The following RNFT2 variants were observed in gnomAD, a reference collection of about 807,000 sequenced individuals.
RNFT2 encodes E3 ubiquitin-protein ligase RNFT2.
RNFT2 carries 36 observed loss-of-function variants against 53.0 expected under a neutral mutation model. The ratio of observed to expected loss-of-function variants is 0.68; its 90% confidence interval spans 0.52 to 0.90. The LOEUF (loss-of-function observed/expected upper bound fraction) is 0.90. Among genes scored for constraint, RNFT2 ranks in the 40% least tolerant of loss-of-function variants. RNFT2 has a pLI of 0.00. For synonymous variants in RNFT2, 260 were observed against 253.2 expected (o/e 1.03, Z -0.26); for missense variants, 514 against 585.6 (o/e 0.88, Z 1.26).
chr12:116,771,346 G>A (rs1040431619), intron 6 of RNFT2, among the ~76,000 whole-genome samples: 16 of 150,962 alleles, frequency 1.1e-4, no homozygotes, highest in African/African-American at 3.7e-4. Flanking sequence ...TATAGTCCCC[G>A]CTACCCTGGA....
Position 116,850,622 on chromosome 12 carries a change from T to TTTTTC in RNFT2, c.*1178_*1179insCTTTT, listed in dbSNP as rs1280264639. On this transcript the variant is annotated 3_prime_UTR_variant, in exon 11 of 11. Transcript: ENST00000257575. ...TGAAGTATTTTTTCTTTTCTTTTCT[T>TTTTTC]TTTTTTTTTTTTTTTGTTGTTGTGA... 6.4e-4 allele frequency: 88 copies of TTTTTC among 137,034 alleles called. 6 individuals carry two copies. Among genetic ancestry groups the TTTTTC allele is most frequent in the Admixed American group, 1.9e-3 (27 of 13,922 alleles). 8.5% of individuals were successfully genotyped at this position (137,034 alleles called of 1,614,324 possible).
At chr12:116,742,888 G>C (rs933256587) in intron 3 of RNFT2, among the ~76,000 whole-genome samples, 3 of 151,768 alleles carry the variant, frequency 2.0e-5, no homozygotes, top group African/African-American at 4.8e-5. Flanking sequence ...TTTGAGATCA[G>C]CCTGGGCAAA....
At chr12:116,844,117 G>T (rs749884543) in intron 10 of RNFT2, among the ~76,000 whole-genome samples, 8 of 152,112 alleles carry the variant, frequency 5.3e-5, no homozygotes, top group Non-Finnish European at 1.0e-4. Flanking sequence ...TTTTCACTCT[G>T]GTTCTTTCAT....
At chr12:116,765,720 T>C (rs1177013016) in intron 5 of RNFT2, among the ~76,000 whole-genome samples, 1 of 152,182 alleles carries the variant, frequency 6.6e-6, no homozygotes, top group Non-Finnish European at 1.5e-5. Flanking sequence ...TCCTGGGGAC[T>C]AGACAGGAAT....
chr12:116,777,278 A>G (rs538956212), intron 6 of RNFT2, among the ~76,000 whole-genome samples: 1 of 152,284 alleles, frequency 6.6e-6, no homozygotes, highest in African/African-American at 2.4e-5. Context: ...ACATGAGTTA[A>G]GACATATAAA....
chr12:116,813,352 G>T (rs745883089), intron 7 of RNFT2, among the ~76,000 whole-genome samples: 1 of 152,194 alleles, frequency 6.6e-6, no homozygotes, highest in Non-Finnish European at 1.5e-5. Flanking sequence ...GCCTCTTAGG[G>T]CTGAATCATG....
At chr12:116,760,813 T>C (rs946490996) in intron 5 of RNFT2, among the ~76,000 whole-genome samples, 1 of 152,174 alleles carries the variant, frequency 6.6e-6, no homozygotes, top group African/African-American at 2.4e-5. Context: ...TGCCGCCCGC[T>C]GCTCTCTCTG....
chr12:116,827,468 A>G (rs528901807), intron 7 of RNFT2, among the ~76,000 whole-genome samples: 1 of 152,332 alleles, frequency 6.6e-6, no homozygotes, highest in East Asian at 1.9e-4. Context: ...AGCTGGTATT[A>G]GAGCCTTCTG....
intron 4 of RNFT2, among the ~76,000 whole-genome samples, chr12:116,750,890 TAATATATA>T (rs1872210094): frequency 4.0e-5 from 1 of 25,200 alleles, no homozygotes; most frequent in African/African-American, 2.6e-4. Flanking sequence ...ATTATATATA[TAATATATA>T]TATATATATA....
At chr12:116,791,216 A>T (rs747759865) in intron 7 of RNFT2, among the ~76,000 whole-genome samples, 1 of 152,226 alleles carries the variant, frequency 6.6e-6, no homozygotes, top group Non-Finnish European at 1.5e-5. Flanking sequence ...GTGTAAGTGG[A>T]ATAATACCCT....
At chr12:116,833,981 G>A in intron 8 of RNFT2, 40 bp downstream of exon 8, 3 of 1,541,638 alleles carry the variant, frequency 1.9e-6, no homozygotes, top group Non-Finnish European at 2.6e-6. Flanking sequence ...CCTAAGGAGG[G>A]CCCCATTCAC....
chr12:116,742,125 G>A (rs891024642), intron 3 of RNFT2, among the ~76,000 whole-genome samples: 3 of 152,108 alleles, frequency 2.0e-5, no homozygotes, highest in Non-Finnish European at 4.4e-5. Flanking sequence ...AATAGTCAGA[G>A]GGCAGAAAGG....
chr12:116,742,265 C>CTTTT (rs769733957), intron 3 of RNFT2, among the ~76,000 whole-genome samples: 3 of 112,216 alleles, frequency 2.7e-5, no homozygotes, highest in Admixed American at 9.3e-5. Flanking sequence ...GAGGTGGTTT[C>CTTTT]TTTTTTTTTT....
At chr12:116,798,507 G>A (rs553577309) in intron 7 of RNFT2, among the ~76,000 whole-genome samples, 9 of 152,218 alleles carry the variant, frequency 5.9e-5, no homozygotes, top group African/African-American at 1.4e-4. Flanking sequence ...TGCATCTCTC[G>A]CATTCATTTT....
chr12:116,768,736 C>T (rs1447857071), intron 6 of RNFT2, among the ~76,000 whole-genome samples: 13 of 142,902 alleles, frequency 9.1e-5, no homozygotes, highest in African/African-American at 3.1e-4. Flanking sequence ...TTTTCTCTCT[C>T]TTTTTTTTTT....
At chr12:116,772,507 A>G (rs186681866) in intron 6 of RNFT2, among the ~76,000 whole-genome samples, 4 of 152,026 alleles carry the variant, frequency 2.6e-5, no homozygotes, top group African/African-American at 9.6e-5. Flanking sequence ...GAGTTTCACC[A>G]TATTGGCCAG....
intron 3 of RNFT2, among the ~76,000 whole-genome samples, chr12:116,749,256 C>T (rs1872055166): frequency 6.8e-6 from 1 of 147,728 alleles, no homozygotes; most frequent in African/African-American, 2.5e-5. Context: ...CTCTCTGTAC[C>T]TGTGTCCTAA....
intron 3 of RNFT2, among the ~76,000 whole-genome samples, chr12:116,748,289 C>G (rs1029401685): frequency 2.0e-5 from 3 of 152,192 alleles, no homozygotes; most frequent in Admixed American, 1.3e-4. Context: ...TCTGGGCTCT[C>G]CATTCCTGCA....
chr12:116,775,309 C>G (rs574288282), intron 6 of RNFT2, among the ~76,000 whole-genome samples: 1 of 40,540 alleles, frequency 2.5e-5, no homozygotes, highest in African/African-American at 1.1e-4. Context: ...TAGCTGAGTC[C>G]TTGTCCTTAC....
Sources: gnomAD v4.1 joint callset for allele counts (sites outside exome capture counted in the v4.1 genomes callset) on GRCh38, gnomAD v4.1.1 for gene constraint, MANE v1.5 for transcripts, NCBI Gene and HGNC (gene_info 2026-07-23, HGNC 2026-07-21) for gene names.